RC3H1: variants seen among roughly 807,000 people sequenced by gnomAD.
RC3H1 encodes the protein ring finger and CCCH-type domains 1, also known as roquin-1.
RC3H1 carries 50 observed loss-of-function variants against 138.2 expected under a neutral mutation model. The observed-to-expected ratio is 0.36, with a 90% confidence interval of 0.29 to 0.46. The LOEUF (loss-of-function observed/expected upper bound fraction) is 0.46, where lower values mean the gene tolerates loss of function less well. Among genes scored for constraint, RC3H1 ranks in the 20% least tolerant of loss-of-function variants. The pLI, the probability that RC3H1 is intolerant of heterozygous loss-of-function variation, is 1.00. For missense variants in RC3H1, 1,031 were observed against 1,388.1 expected, an observed-to-expected ratio of 0.74 and a Z score of 4.09; for synonymous variants, 462 against 489.1, an observed-to-expected ratio of 0.94 and a Z score of 0.73.
intron 5 of RC3H1, among the ~76,000 whole-genome samples, chr1:173,981,497 A>T (rs1019609953): frequency 1.3e-5 from 2 of 152,206 alleles, no homozygotes; most frequent in African/African-American, 4.8e-5. Context: ...ATATACATTC[A>T]GTTTAAGGTG....
At chr1:174,002,036 A>G (rs1661573398) in intron 1 of RC3H1, among the ~76,000 whole-genome samples, 1 of 152,162 alleles carries the variant, frequency 6.6e-6, no homozygotes, top group Admixed American at 6.5e-5. Flanking sequence ...AATTAATCAT[A>G]AATTTCTGAA....
chr1:173,994,616 T>C (rs1006711370), intron 1 of RC3H1, among the ~76,000 whole-genome samples: 6 of 150,392 alleles, frequency 4.0e-5, no homozygotes, highest in East Asian at 2.0e-4. Flanking sequence ...CTAGGTAACA[T>C]AGGGAGACCC....
chr1:173,980,118 T>TC (rs147522742), intron 6 of RC3H1, among the ~76,000 whole-genome samples: 24,922 of 149,428 alleles, frequency 0.17, 2,272 homozygotes, highest in East Asian at 0.37. Flanking sequence ...CCTCAAGCAA[T>TC]CCCCCCACCT....
rs543981276 is a variant in RC3H1, at chr1:173,994,342, G to A, written c.-150-1207C>T. On this transcript the variant is annotated intron_variant, in intron 1 of 19. Coordinates refer to ENST00000367696, the MANE Select transcript of RC3H1 (RefSeq NM_172071.4). ...CAGGAGGTGGAGGTTGCGGTGAGCC[G>A]AGATCCGCCACTGTACTCCTGCCTG... Among the ~76,000 whole-genome samples the A allele has an allele frequency of 2.3e-4, 35 of 152,148 alleles. 2 individuals carry two copies. Among genetic ancestry groups the A allele is most frequent in the African/African-American group, 5.5e-4 (23 of 41,510 alleles).
chr1:174,021,431 C>T (rs1661956013), intron 1 of RC3H1, among the ~76,000 whole-genome samples: 1 of 152,012 alleles, frequency 6.6e-6, no homozygotes, highest in Non-Finnish European at 1.5e-5. Context: ...GCATCCCTTA[C>T]CACTCCATCC....
chr1:173,980,703 T>C, intron 6 of RC3H1, 106 bp downstream of exon 6: 1 of 712,882 alleles, frequency 1.4e-6, no homozygotes, highest in Non-Finnish European at 2.2e-6. Context: ...TGGCTATAAA[T>C]ACAATTTACA....
intron 13 of RC3H1, 129 bp downstream of exon 13, chr1:173,960,948 A>G: frequency 1.2e-6 from 1 of 822,322 alleles, no homozygotes; most frequent in Non-Finnish European, 1.9e-6. Context: ...TGTAGAGTTA[A>G]ATGATAAAAA....
At chr1:173,981,286 G>C (rs1009965988) in intron 5 of RC3H1, among the ~76,000 whole-genome samples, 1 of 152,184 alleles carries the variant, frequency 6.6e-6, no homozygotes, top group African/African-American at 2.4e-5. Context: ...GCTTGGGCCA[G>C]AAGTGTTATC....
At chr1:173,946,931 A>T in intron 15 of RC3H1, 95 bp from the exon 16 acceptor site, 1 of 818,912 alleles carries the variant, frequency 1.2e-6, no homozygotes, top group Non-Finnish European at 2.0e-6. Context: ...TTGCATACAC[A>T]GGTATCTGGT....
chr1:173,984,385 A>C, intron 3 of RC3H1, 114 bp downstream of exon 3: 1 of 944,894 alleles, frequency 1.1e-6, no homozygotes, highest in Non-Finnish European at 1.5e-6. Flanking sequence ...TAATTGCATC[A>C]AATTTACCTC....
rs569412452 is a variant in RC3H1 at position 173,938,750 on chromosome 1, A to G, written c.3373T>C (p.Ser1125Pro). The change falls in exon 20 of 20, where the codon TCA (serine) becomes CCA (proline). Residue 1125 changes from serine to proline, a missense_variant. Physicochemically the swap from Ser to Pro is moderately conservative, Grantham distance 74. This residue lies in a region of RC3H1 where 716 missense variants were observed against 837.9 expected (regional missense o/e 0.85). Coordinates refer to ENST00000367696, the MANE Select transcript of RC3H1 (RefSeq NM_172071.4). ...GGAGCAGAACTGGGAGTAACTCCTG[A>G]TCTCTGGGAGTCATTATTATCCCCT... Reference protein sequence around the residue: ...GGGDNNDSQRSGVTPSSAP With the variant: ...GGGDNNDSQRPGVTPSSAP The G allele has an allele frequency of 1.2e-5, 19 of 1,612,370 alleles. No individual in the cohort carries two copies. In the South Asian group the frequency reaches 2.0e-4, roughly 17 times the overall value.
chr1:173,935,717 A>C lies in RC3H1; in HGVS notation c.*3004T>G, dbSNP rs1658554275. 6.6e-6 allele frequency: 1 copy of C among 152,226 alleles called. No individual in the cohort carries two copies. The highest frequency in any genetic ancestry group is 1.5e-5 in the Non-Finnish European group (1 of 68,040). The allele number at this position is 152,226 out of a possible 1,614,324, so 9.4% of individuals were successfully genotyped here. On this transcript the variant is annotated 3_prime_UTR_variant, in exon 20 of 20. Coordinates refer to ENST00000367696, the MANE Select transcript of RC3H1 (RefSeq NM_172071.4). ...ATCACAGAGAAAAGGAAAAGGAAAA[A>C]AAGCAAAAAACAAAAAACAAATTTT...
At chr1:173,992,707 G>T in intron 2 of RC3H1, 48 bp downstream of exon 2, 1 of 1,361,506 alleles carries the variant, frequency 7.3e-7, no homozygotes, top group South Asian at 1.2e-5. Context: ...CACAGAGAGA[G>T]AGAGAGAGAG....
At chr1:173,964,737 A>G in intron 10 of RC3H1, 102 bp downstream of exon 10, 1 of 1,177,652 alleles carries the variant, frequency 8.5e-7, no homozygotes, top group Non-Finnish European at 1.2e-6. Context: ...CAAAAAAAAT[A>G]ATCAGGGTTT....
intron 3 of RC3H1, 38 bp from the exon 4 acceptor site, chr1:173,983,695 T>C: frequency 3.1e-6 from 5 of 1,605,626 alleles, no homozygotes; most frequent in Non-Finnish European, 4.3e-6. Flanking sequence ...AGGTTCACAA[T>C]GCAATTTTAC....
chr1:173,976,325 G>A (rs1489748287), intron 7 of RC3H1, among the ~76,000 whole-genome samples: 1 of 151,804 alleles, frequency 6.6e-6, no homozygotes, highest in African/African-American at 2.4e-5. Flanking sequence ...AAATTAGCTG[G>A]ATGTGGTGGT....
chr1:173,946,840 T>C lies in RC3H1; in HGVS notation c.2738-4A>G, dbSNP rs200684555. On this transcript the variant is annotated splice_polypyrimidine_tract_variant and splice_region_variant and intron_variant, in intron 15 of 19. Coordinates refer to ENST00000367696, the MANE Select transcript of RC3H1 (RefSeq NM_172071.4). ...TGGGTTCCATATGGACTATAATCTG[T>C]AAGAGAATGATTTATTATGGTATAA... The C allele has an allele frequency of 6.4e-7, 1 of 1,561,724 alleles. No individual in the cohort carries two copies. Among genetic ancestry groups the C allele is most frequent in the Admixed American group, 1.7e-5 (1 of 59,860 alleles).
chr1:173,972,178 G>C (rs1187955322), intron 8 of RC3H1, among the ~76,000 whole-genome samples: 3 of 152,074 alleles, frequency 2.0e-5, no homozygotes, highest in African/African-American at 7.2e-5. Flanking sequence ...ACAAACTAAA[G>C]AGAATAATAA....
At chr1:173,969,773 T>C (rs1397213557) in intron 9 of RC3H1, among the ~76,000 whole-genome samples, 1 of 151,756 alleles carries the variant, frequency 6.6e-6, no homozygotes, top group Non-Finnish European at 1.5e-5. Flanking sequence ...CTTTCTTCAA[T>C]GAGCTGAAAA....
Sources: allele counts gnomAD v4.1 joint callset (sites outside exome capture counted in the v4.1 genomes callset), GRCh38; gene constraint gnomAD v4.1.1; regional missense constraint gnomAD v4.1.1; transcripts MANE v1.5; gene names NCBI Gene and HGNC (gene_info 2026-07-23, HGNC 2026-07-21).